Variants in C9orf85 observed in about 807,000 individuals in gnomAD.
The protein encoded by C9orf85 is chromosome 9 open reading frame 85.
C9orf85 carries 16 observed loss-of-function variants against 14.9 expected under a neutral mutation model. The ratio of observed to expected loss-of-function variants is 1.08; its 90% CI spans 0.73 to 1.63. The LOEUF (loss-of-function observed/expected upper bound fraction) is 1.63. C9orf85 is among the 40% of genes most tolerant of loss of function. The probability of loss-of-function intolerance (pLI) is 0.00; values close to 1 mark genes in which losing one functional copy is unlikely to be tolerated. For missense variants in C9orf85, 172 were observed against 186.1 expected (o/e 0.92, Z 0.44); for synonymous variants, 45 against 56.8 (o/e 0.79, Z 0.93).
downstream of C9orf85, among the ~76,000 whole-genome samples, chr9:71,976,524 TG>T (rs1012109269): frequency 2.6e-5 from 4 of 151,788 alleles, no homozygotes; most frequent in Non-Finnish European, 5.9e-5. Flanking sequence ...TAGCCGGGCG[TG>T]GTGGCGGGCG....
chr9:71,956,180 A>G (rs1490957708), intron 2 of C9orf85, among the ~76,000 whole-genome samples: 1 of 152,092 alleles, frequency 6.6e-6, no homozygotes, highest in Non-Finnish European at 1.5e-5. Flanking sequence ...CTAATAAAAC[A>G]ACTGTTTACA....
downstream of C9orf85, among the ~76,000 whole-genome samples, chr9:71,977,826 A>G (rs1823032528): frequency 6.6e-6 from 1 of 152,180 alleles, no homozygotes; most frequent in Non-Finnish European, 1.5e-5. Flanking sequence ...TTTACTGGCT[A>G]CACTGATGGA....
At chr9:71,941,388 C>A (rs1280226167) in intron 1 of C9orf85, among the ~76,000 whole-genome samples, 1 of 152,180 alleles carries the variant, frequency 6.6e-6, no homozygotes, top group Non-Finnish European at 1.5e-5. Flanking sequence ...AAGAACTGGA[C>A]AGTATGTGCC....
intron 1 of C9orf85, among the ~76,000 whole-genome samples, chr9:71,932,912 A>G (rs998287584): frequency 1.3e-5 from 2 of 152,300 alleles, no homozygotes; most frequent in South Asian, 2.1e-4. Context: ...GTAAATATCA[A>G]TAAGGAAAAA....
chr9:71,975,552 G>T (rs946554206), downstream of C9orf85, among the ~76,000 whole-genome samples: 1 of 151,942 alleles, frequency 6.6e-6, no homozygotes, highest in African/African-American at 2.4e-5. Flanking sequence ...GTTCTGTCCC[G>T]CTGGGCGTGT....
intron 1 of C9orf85, among the ~76,000 whole-genome samples, chr9:71,944,135 G>A (rs1475458161): frequency 6.6e-6 from 1 of 151,492 alleles, no homozygotes; most frequent in Non-Finnish European, 1.5e-5. Context: ...TCAGGAGGCC[G>A]AGACAGGAGG....
rs1472217168 is a variant in C9orf85 at position 71,972,612 on chromosome 9, G to A, written c.324-80G>A. ...AGGTTTCTGTTATTCAAGAAGTGTA[G>A]TGGTAAAAGTCTTTTCAATCTACAT... On this transcript the variant is annotated intron_variant, in intron 3 of 3. Coordinates refer to ENST00000334731, the MANE Select transcript of C9orf85 (RefSeq NM_182505.5). The A allele has an allele frequency of 5.8e-6, 6 of 1,030,200 alleles. No homozygotes were observed. In the East Asian group the frequency reaches 1.6e-4, roughly 27 times the overall value. 63.8% of individuals were successfully genotyped at this position (1,030,200 alleles called of 1,614,324 possible). A position where few individuals can be genotyped will look rare whatever the true frequency, so the allele number is the denominator to read the frequency against.
chr9:71,957,840 A>G (rs1199047539), intron 2 of C9orf85, among the ~76,000 whole-genome samples: 1 of 152,184 alleles, frequency 6.6e-6, no homozygotes, highest in East Asian at 1.9e-4. Flanking sequence ...CACTTCCACA[A>G]ATAAGGATTA....
intron 1 of C9orf85, 86 bp from the exon 2 acceptor site, chr9:71,946,920 A>T: frequency 1.2e-6 from 1 of 808,944 alleles, no homozygotes; most frequent in Non-Finnish European, 2.0e-6. Flanking sequence ...ATATTTTAAA[A>T]CTTACATCTC....
intron 2 of C9orf85, among the ~76,000 whole-genome samples, chr9:71,963,961 G>A (rs1302467942): frequency 6.6e-6 from 1 of 152,226 alleles, no homozygotes; most frequent in Non-Finnish European, 1.5e-5. Flanking sequence ...TCCATCTGCA[G>A]CCCCGGAGTG....
chr9:71,949,000 T>C (rs1449996435), intron 2 of C9orf85, among the ~76,000 whole-genome samples: 1 of 152,248 alleles, frequency 6.6e-6, no homozygotes, highest in Non-Finnish European at 1.5e-5. Context: ...TTTCCATGAA[T>C]GAATTGTGTT....
chr9:71,922,304 C>T (rs1827830872), intron 1 of C9orf85, among the ~76,000 whole-genome samples: 1 of 152,150 alleles, frequency 6.6e-6, no homozygotes, highest in African/African-American at 2.4e-5. Context: ...TTGGTTTGTA[C>T]ATACCCTAAC....
chr9:71,970,597 A>G lies in C9orf85; in HGVS notation c.210-908A>G, dbSNP rs549779470. ...ATGTCAGTACTACACAGTCTGGGTT[A>G]CTGTAGGTTTGTAGTGTGTTTTGAA... On this transcript the variant is annotated intron_variant, in intron 2 of 3. Coordinates refer to ENST00000334731, the MANE Select transcript of C9orf85 (RefSeq NM_182505.5). 2.2e-3 allele frequency among the ~76,000 whole-genome samples: 334 copies of G among 152,230 alleles called. 1 individual carries two copies. Among genetic ancestry groups the G allele is most frequent in the African/African-American group, 7.5e-3 (313 of 41,536 alleles).
intron 2 of C9orf85, among the ~76,000 whole-genome samples, chr9:71,954,557 A>G (rs913786049): frequency 1.3e-5 from 2 of 152,144 alleles, no homozygotes; most frequent in African/African-American, 4.8e-5. Flanking sequence ...TGGATTATTC[A>G]TGTCTTTGCT....
intron 2 of C9orf85, among the ~76,000 whole-genome samples, chr9:71,964,130 G>A (rs1429461451): frequency 6.6e-6 from 1 of 152,108 alleles, no homozygotes; most frequent in Admixed American, 6.5e-5. Flanking sequence ...TACTCTGGTG[G>A]GGCCTTGGAG....
chr9:71,947,834 C>T (rs1032388200), intron 2 of C9orf85, among the ~76,000 whole-genome samples: 29 of 152,062 alleles, frequency 1.9e-4, no homozygotes, highest in Non-Finnish European at 7.4e-5. Flanking sequence ...TTAGTAGAGA[C>T]GGGGTTTTGC....
downstream of C9orf85, among the ~76,000 whole-genome samples, chr9:71,975,371 G>A (rs894936184): frequency 6.7e-6 from 1 of 149,974 alleles, no homozygotes; most frequent in African/African-American, 2.5e-5. Flanking sequence ...AACCCGGTAA[G>A]CAAAGGTTGC....
At chr9:71,936,566 A>G (rs954944341) in intron 1 of C9orf85, among the ~76,000 whole-genome samples, 9 of 152,060 alleles carry the variant, frequency 5.9e-5, no homozygotes, top group African/African-American at 2.2e-4. Flanking sequence ...CAATATAGCT[A>G]TTTGTTTCCA....
At chr9:71,912,652 T>G (rs1444424088) in intron 1 of C9orf85, among the ~76,000 whole-genome samples, 1 of 150,538 alleles carries the variant, frequency 6.6e-6, no homozygotes, top group East Asian at 2.0e-4. Context: ...GAGGCCGAGG[T>G]GGTGGGCGGA....
Sources: gnomAD v4.1 joint callset for allele counts (sites outside exome capture counted in the v4.1 genomes callset) on GRCh38, gnomAD v4.1.1 for gene constraint, MANE v1.5 for transcripts, NCBI Gene and HGNC (gene_info 2026-07-23, HGNC 2026-07-21) for gene names.